Variants in GLRA2 observed in about 807,000 individuals in gnomAD.
The protein encoded by GLRA2 is glycine receptor subunit alpha-2.
A neutral mutation model predicts 31.6 loss-of-function variants in GLRA2; 11 were observed. The observed-to-expected ratio is 0.35, with a 90% CI of 0.22 to 0.58. The LOEUF (loss-of-function observed/expected upper bound fraction) is 0.58, where lower values mean the gene tolerates loss of function less well. GLRA2 is among the 20% of genes least tolerant of loss of function. GLRA2 has a pLI of 0.84. For synonymous variants in GLRA2, 132 were observed against 134.0 expected, an observed-to-expected ratio of 0.99 and a Z score of 0.10; for missense variants, 212 against 351.8, an observed-to-expected ratio of 0.60 and a Z score of 3.18.
At chrX:14,629,837 A>G (rs2090624682) in intron 7 of GLRA2, among the ~76,000 whole-genome samples, 2 of 111,948 alleles carry the variant, frequency 1.8e-5, no homozygotes, top group Admixed American at 1.9e-4. Flanking sequence ...CTCATATAGT[A>G]TAAGAGCCCT....
intron 1 of GLRA2, chrX:14,530,983 A>G: frequency 1.2e-6 from 1 of 867,873 alleles, no homozygotes; most frequent in South Asian, 2.5e-5. Context: ...ACCAAGATAA[A>G]TGGAACACAT....
intron 2 of GLRA2, among the ~76,000 whole-genome samples, chrX:14,552,399 G>T (rs184691487): frequency 8.9e-6 from 1 of 112,332 alleles, no homozygotes; most frequent in Non-Finnish European, 1.9e-5. Flanking sequence ...TCATATGCAT[G>T]CTCTCATTTG....
chrX:14,470,175 C>T, the GLRA2 span, among the ~76,000 whole-genome samples: 3 of 111,425 alleles, frequency 2.7e-5, no homozygotes, highest in Non-Finnish European at 5.7e-5. Context: ...ACATTTGGCC[C>T]GTTTTCTTAC....
At chrX:14,594,381 A>T (rs1180111407) in intron 4 of GLRA2, among the ~76,000 whole-genome samples, 1 of 111,786 alleles carries the variant, frequency 8.9e-6, no homozygotes, top group Non-Finnish European at 1.9e-5. Context: ...GCATAGTAAC[A>T]ATGAAAAAGG....
intron 1 of GLRA2, among the ~76,000 whole-genome samples, chrX:14,530,739 A>C (rs1474240315): frequency 1.8e-5 from 2 of 111,950 alleles, no homozygotes; most frequent in Non-Finnish European, 3.8e-5. Context: ...GAAGTGGAGC[A>C]TGCATAATTT....
At chrX:14,692,728 A>C (rs944244158) in intron 8 of GLRA2, among the ~76,000 whole-genome samples, 5 of 111,785 alleles carry the variant, frequency 4.5e-5, no homozygotes, top group African/African-American at 1.6e-4. Context: ...CCTAGACCAA[A>C]GATGGAAAAT....
rs1485659734 is a variant in GLRA2, at chrX:14,529,829, T to C, written c.-229T>C. ...GATTCATCAGTTCTGAGGCTTTGTC[T>C]TTCTGGGTTAACTGATGGTCCCAAG... On this transcript the variant is annotated 5_prime_UTR_variant, in exon 1 of 9. Coordinates refer to ENST00000218075, the MANE Select transcript of GLRA2 (RefSeq NM_002063.4). The C allele has an allele frequency of 1.4e-5, 6 of 423,994 alleles. No homozygotes were observed. Among genetic ancestry groups the C allele is most frequent in the Admixed American group, 4.3e-5 (1 of 23,460 alleles). 34.9% of individuals were successfully genotyped at this position (423,994 alleles called of 1,213,427 possible).
At chrX:14,582,563 G>A (rs773185159) in intron 4 of GLRA2, among the ~76,000 whole-genome samples, 25 of 110,644 alleles carry the variant, frequency 2.3e-4, no homozygotes, top group South Asian at 1.5e-3. Flanking sequence ...TATTATTTTG[G>A]TTATTGCTGT....
At chrX:14,702,813 G>T (rs764629102) in intron 8 of GLRA2, among the ~76,000 whole-genome samples, 1 of 111,612 alleles carries the variant, frequency 9.0e-6, no homozygotes, top group Non-Finnish European at 1.9e-5. Flanking sequence ...TTATTGGGTG[G>T]CACTTGGACA....
At chrX:14,665,466 G>GTT (rs966032290) in intron 7 of GLRA2, among the ~76,000 whole-genome samples, 12 of 111,683 alleles carry the variant, frequency 1.1e-4, no homozygotes, top group Non-Finnish European at 2.1e-4. Context: ...TTTAGCCTTT[G>GTT]TAAATTATTT....
chrX:14,480,555 C>T, the GLRA2 span, among the ~76,000 whole-genome samples: 9 of 111,630 alleles, frequency 8.1e-5, no homozygotes, highest in East Asian at 2.5e-3. Flanking sequence ...AAGTAGGGGT[C>T]CTGTTTCATC....
chrX:14,519,994 T>A, the GLRA2 span, among the ~76,000 whole-genome samples: 11 of 112,333 alleles, frequency 9.8e-5, no homozygotes, highest in Non-Finnish European at 2.1e-4. Context: ...CTATAATGAA[T>A]GTAATTCCAT....
upstream of GLRA2, among the ~76,000 whole-genome samples, chrX:14,527,616 G>GA (rs754493347): frequency 1.7e-3 from 158 of 92,735 alleles, no homozygotes; most frequent in Middle Eastern, 5.4e-3. Flanking sequence ...TCCATCTCGG[G>GA]AAAAAAAAAA....
At chrX:14,523,997 C>T in the GLRA2 span, among the ~76,000 whole-genome samples, 9 of 112,050 alleles carry the variant, frequency 8.0e-5, no homozygotes, top group African/African-American at 2.9e-4. Flanking sequence ...CAAGTTTTAT[C>T]ATGAGATTGC....
chrX:14,524,758 G>A (rs2089182353), upstream of GLRA2, among the ~76,000 whole-genome samples: 1 of 109,908 alleles, frequency 9.1e-6, no homozygotes, highest in African/African-American at 3.4e-5. Flanking sequence ...GTGTGTGTGT[G>A]TGTGTGTGTA....
rs1050255507 is a variant in GLRA2 at position 14,682,961 on chromosome X, T to A, written c.931-7749T>A. On this transcript the variant is annotated intron_variant, in intron 7 of 8. Coordinates refer to ENST00000218075, the MANE Select transcript of GLRA2 (RefSeq NM_002063.4). ...AATCCAGTCTATCATTGATGGACAT[T>A]TGAGTTGGTTCCAAGTCTTTGCTAT... is the stretch of plus-strand genomic sequence containing the variant. 2.7e-5 allele frequency among the ~76,000 whole-genome samples: 3 copies of A among 111,693 alleles called. No homozygotes were observed. In the Admixed American group the frequency reaches 2.9e-4, roughly 11 times the overall value.
intron 2 of GLRA2, among the ~76,000 whole-genome samples, chrX:14,572,048 C>T (rs777338004): frequency 8.9e-6 from 1 of 111,822 alleles, no homozygotes; most frequent in Non-Finnish European, 1.9e-5. Context: ...TAAACAGATT[C>T]GTCTTTTGTG....
intron 7 of GLRA2, among the ~76,000 whole-genome samples, chrX:14,636,797 T>A (rs1461693034): frequency 8.9e-6 from 1 of 112,157 alleles, no homozygotes; most frequent in Non-Finnish European, 1.9e-5. Flanking sequence ...TTTCTATAAA[T>A]CTAAAACTAT....
At chrX:14,559,524 C>T (rs1330647771) in intron 2 of GLRA2, among the ~76,000 whole-genome samples, 1 of 95,077 alleles carries the variant, frequency 1.1e-5, no homozygotes, top group Non-Finnish European at 2.0e-5. Context: ...TCAAGCGATT[C>T]TCCTGCCTCA....
Sources: allele counts gnomAD v4.1 joint callset (sites outside exome capture counted in the v4.1 genomes callset), GRCh38; gene constraint gnomAD v4.1.1; transcripts MANE v1.5; gene names NCBI Gene and HGNC (gene_info 2026-07-23, HGNC 2026-07-21).